Variants in ZMYM6 observed in about 807,000 individuals in gnomAD.
The protein encoded by ZMYM6 is zinc finger MYM-type protein 6.
ZMYM6 carries 90 observed loss-of-function variants against 134.0 expected under a neutral mutation model. That is an observed-to-expected ratio of 0.67 (90% confidence interval 0.57 to 0.80). The LOEUF (loss-of-function observed/expected upper bound fraction) is 0.80, where lower values mean the gene tolerates loss of function less well. ZMYM6 is among the 30% of genes least tolerant of loss of function. The probability of loss-of-function intolerance (pLI) is 0.00; values close to 1 mark genes in which losing one functional copy is unlikely to be tolerated. For missense variants in ZMYM6, 1,362 were observed against 1,533.9 expected (o/e 0.89, Z 1.87); for synonymous variants, 481 against 524.1 (o/e 0.92, Z 1.12).
intron 14 of ZMYM6, among the ~76,000 whole-genome samples, chr1:34,993,714 C>T (rs1569743335): frequency 1.3e-5 from 2 of 151,470 alleles, no homozygotes; most frequent in South Asian, 2.1e-4. Flanking sequence ...GACGGAGTCT[C>T]GCTCTGTCAC....
chr1:34,988,407 G>T lies in ZMYM6; in HGVS notation c.2675C>A (p.Ala892Glu). The T allele has an allele frequency of 6.4e-7, 1 of 1,551,602 alleles. No homozygotes were observed. The highest frequency in any genetic ancestry group is 1.2e-5 in the South Asian group (1 of 84,062). ...TTGAATCAGCTGGTCTTCAATGTCT[G>T]CAGATAGTTCATCAATCCTGTGTTG... ...TIQHRIDELSADIEDQLIQKV... is the reference protein window; with the variant it reads ...TIQHRIDELSEDIEDQLIQKV... Residue 892 changes from alanine (A) to glutamate (E), a missense_variant, in exon 16 of 16, where the codon GCA becomes GAA. Transcript: ENST00000357182.
At chr1:35,025,482 A>G (rs1195971261) in intron 2 of ZMYM6, among the ~76,000 whole-genome samples, 1 of 150,974 alleles carries the variant, frequency 6.6e-6, no homozygotes, top group East Asian at 1.9e-4. Context: ...AAAAAAAAAA[A>G]AAAAAAGAAA....
chr1:34,986,362 A>C lies in ZMYM6; in HGVS notation c.*742T>G, dbSNP rs1310925221. 1 of 152,220 alleles carries C rather than the reference A, an allele frequency of 6.6e-6. No individual in the cohort carries two copies. The highest frequency in any genetic ancestry group is 1.5e-5 in the Non-Finnish European group (1 of 68,040). 9.4% of individuals were successfully genotyped at this position (152,220 alleles called of 1,614,324 possible). On this transcript the variant is annotated 3_prime_UTR_variant, in exon 16 of 16. Coordinates refer to ENST00000357182, the MANE Select transcript of ZMYM6 (RefSeq NM_007167.4). ...ATATTGGGCCAGAAAGGCCCCAAGCAGGGGTCTCAAATCCCCCTGCTGCTT... is the reference window on the plus strand; with the variant it reads ...ATATTGGGCCAGAAAGGCCCCAAGCCGGGGTCTCAAATCCCCCTGCTGCTT...
chr1:34,987,092 AT>A lies in ZMYM6; in HGVS notation c.*11del. ...GGATTATTGACTTCACTGTTAAGCA[AT>A]GTGCATATTGCTACTCTTTCTCCTT... On this transcript the variant is annotated 3_prime_UTR_variant, in exon 16 of 16. Coordinates refer to ENST00000357182, the MANE Select transcript of ZMYM6 (RefSeq NM_007167.4). 1 of 1,510,148 alleles carries A rather than the reference AT, an allele frequency of 6.6e-7. No homozygotes were observed. The highest frequency in any genetic ancestry group is 8.9e-7 in the Non-Finnish European group (1 of 1,127,388). 93.5% of individuals were successfully genotyped at this position (1,510,148 alleles called of 1,614,324 possible).
Position 35,015,114 on chromosome 1 carries a change from G to C in ZMYM6, c.477C>G (p.Ser159=), listed in dbSNP as rs765064837. The change falls in exon 5 of 16, where the codon TCC becomes TCG. Residue 159 remains serine (S), a synonymous_variant. Transcript: ENST00000357182. ...KDVITTRFEN[S]YPSKDFCSQS... is the part of the protein sequence containing the mutation. ...GGCTGCAGAAATCTTTGCTAGGATA[G>C]GAATTCTCAAAGCGAGTTGTGATCA... 1.2e-6 allele frequency: 2 copies of C among 1,612,788 alleles called. No individual in the cohort carries two copies. Among genetic ancestry groups the C allele is most frequent in the Non-Finnish European group, 1.7e-6 (2 of 1,179,694 alleles).
chr1:35,023,470 A>G (rs1641349175), intron 2 of ZMYM6, among the ~76,000 whole-genome samples: 1 of 152,190 alleles, frequency 6.6e-6, no homozygotes, highest in African/African-American at 2.4e-5. Context: ...TACTTGCTAA[A>G]TGAAGGAATC....
intron 10 of ZMYM6, among the ~76,000 whole-genome samples, chr1:35,010,013 A>G (rs747373258): frequency 6.6e-6 from 1 of 151,540 alleles, no homozygotes; most frequent in Non-Finnish European, 1.5e-5. Flanking sequence ...ATTCAAAAAA[A>G]CCTTTTTTTT....
intron 14 of ZMYM6, among the ~76,000 whole-genome samples, chr1:34,992,606 A>AC (rs1474626846): frequency 1.7e-5 from 2 of 117,236 alleles, no homozygotes; most frequent in Admixed American, 7.7e-5. Flanking sequence ...ACATTTATAA[A>AC]TATAAATATA....
intron 4 of ZMYM6, 42 bp downstream of exon 4, chr1:35,019,311 A>T: frequency 6.2e-7 from 1 of 1,603,032 alleles, no homozygotes; most frequent in Non-Finnish European, 8.5e-7. Context: ...TATACACACT[A>T]AAAAAAAGGT....
chr1:35,010,112 C>G (rs1280413051), intron 10 of ZMYM6, among the ~76,000 whole-genome samples: 1 of 152,014 alleles, frequency 6.6e-6, no homozygotes, highest in Admixed American at 6.6e-5. Flanking sequence ...GAGGTTCATG[C>G]AATTCTCCTG....
intron 15 of ZMYM6, 32 bp downstream of exon 15, chr1:34,992,202 C>T (rs544910625): frequency 6.8e-6 from 11 of 1,613,286 alleles, no homozygotes; most frequent in Non-Finnish European, 9.3e-6. Flanking sequence ...AGAAAACAAG[C>T]TTTGTACATG....
At chr1:35,027,013 AAAAG>A (rs1641426376) in intron 2 of ZMYM6, among the ~76,000 whole-genome samples, 1 of 152,236 alleles carries the variant, frequency 6.6e-6, no homozygotes, top group African/African-American at 2.4e-5. Flanking sequence ...ACAATTAAAA[AAAAG>A]AGAGAGAGAA....
chr1:35,029,724 T>C (rs1261148688), intron 2 of ZMYM6, among the ~76,000 whole-genome samples: 1 of 152,156 alleles, frequency 6.6e-6, no homozygotes, highest in Non-Finnish European at 1.5e-5. Flanking sequence ...TCCATACCCT[T>C]TGCCTAATCA....
At chr1:35,014,628 T>C in intron 6 of ZMYM6, 69 bp downstream of exon 6, 1 of 1,457,474 alleles carries the variant, frequency 6.9e-7, no homozygotes. Context: ...TCTCATTTTG[T>C]AGTTCATCCC....
Position 34,986,253 on chromosome 1 carries a change from T to C in ZMYM6, c.*851A>G, listed in dbSNP as rs777746547. ...CTGCTTTTGCACTGCAACTGCAGAA[T>C]TGAGTAGTTGTGACAGTATGGCCTG... On this transcript the variant is annotated 3_prime_UTR_variant, in exon 16 of 16. Coordinates refer to ENST00000357182, the MANE Select transcript of ZMYM6 (RefSeq NM_007167.4). 4 of 152,310 alleles carry C rather than the reference T, an allele frequency of 2.6e-5. No homozygotes were observed. The highest frequency in any genetic ancestry group is 1.9e-4 in the East Asian group (1 of 5,174). The allele number at this position is 152,310 out of a possible 1,614,324, so 9.4% of individuals were successfully genotyped here.
Position 35,008,930 on chromosome 1 carries a change from GA to G in ZMYM6, c.1493-7del, listed in dbSNP as rs747615547. On this transcript the variant is annotated splice_region_variant and splice_polypyrimidine_tract_variant and intron_variant, in intron 10 of 15. Transcript: ENST00000357182. ...GGCAGAGAGGAATTTGCAAACTGAG[GA>G]TCAGAGGGATGAAAGGAAGAAAAAT... 1.9e-6 allele frequency: 3 copies of G among 1,606,048 alleles called. No homozygotes were observed. The African/African-American group carries it at 4.0e-5, about 21-fold the overall frequency.
intron 6 of ZMYM6, chr1:35,012,857 CT>C (rs1641110658): frequency 1.0e-6 from 1 of 985,224 alleles, no homozygotes. Flanking sequence ...TCATTACATA[CT>C]TTTTAATCAC....
At chr1:34,997,793 T>C (rs1640809218) in intron 14 of ZMYM6, among the ~76,000 whole-genome samples, 1 of 152,208 alleles carries the variant, frequency 6.6e-6, no homozygotes, top group Non-Finnish European at 1.5e-5. Flanking sequence ...TTTCCTATAT[T>C]TTTCTGAGTA....
chr1:35,029,091 C>T (rs1254543193), intron 2 of ZMYM6, among the ~76,000 whole-genome samples: 1 of 152,016 alleles, frequency 6.6e-6, no homozygotes, highest in Admixed American at 6.6e-5. Context: ...ACTGGGGAGG[C>T]TGAGGCAGGA....
Sources: allele counts gnomAD v4.1 joint callset (sites outside exome capture counted in the v4.1 genomes callset), GRCh38; gene constraint gnomAD v4.1.1; transcripts MANE v1.5; gene names NCBI Gene and HGNC (gene_info 2026-07-23, HGNC 2026-07-21).